GPN1: variants seen among roughly 807,000 people sequenced by gnomAD.
GPN1 encodes ATP(GTP)-binding protein.
A neutral mutation model predicts 55.9 loss-of-function variants in GPN1; 44 were observed. The ratio of observed to expected loss-of-function variants is 0.79; its 90% CI spans 0.62 to 1.01. The LOEUF is 1.01. GPN1 is among the 50% of genes least tolerant of loss of function. The pLI is 0.00. For synonymous variants in GPN1, 179 were observed against 162.5 expected, an observed-to-expected ratio of 1.10 and a Z score of -0.77; for missense variants, 466 against 462.8, an observed-to-expected ratio of 1.01 and a Z score of -0.06.
chr2:27,645,196 C>G (rs1674166740), intron 12 of GPN1, among the ~76,000 whole-genome samples: 2 of 152,148 alleles, frequency 1.3e-5, no homozygotes, highest in African/African-American at 4.8e-5. Flanking sequence ...GTCTTGAACT[C>G]TTGGCCTCAG....
In GPN1 at chr2:27,650,316, T is replaced by C. The variant is rs1674466961; in HGVS notation, c.*116T>C. 7.0e-6 allele frequency: 4 copies of C among 574,366 alleles called. No individual in the cohort carries two copies. The South Asian group carries it at 8.5e-5, about 12-fold the overall frequency. The allele number at this position is 574,366 out of a possible 1,614,324, so 35.6% of individuals were successfully genotyped here. Reference sequence around the variant, plus strand: ...CCATAAGGGATAATTTTCCTCAGAGTAGCAAAGTTTCTCTTATTAGAGAAA... The same window carrying C: ...CCATAAGGGATAATTTTCCTCAGAGCAGCAAAGTTTCTCTTATTAGAGAAA... On this transcript the variant is annotated 3_prime_UTR_variant, in exon 14 of 14. Transcript: ENST00000610189.
At chr2:27,634,104 T>C (rs925294800) in intron 5 of GPN1, among the ~76,000 whole-genome samples, 2 of 152,232 alleles carry the variant, frequency 1.3e-5, no homozygotes, top group Admixed American at 1.3e-4. Flanking sequence ...CTAGTGGATA[T>C]AGAGTGGTAT....
Position 27,642,510 on chromosome 2 carries a change from A to G in GPN1, c.922A>G (p.Thr308Ala), listed in dbSNP as rs1045012316. 1 of 1,601,116 alleles carries G rather than the reference A, an allele frequency of 6.2e-7. No homozygotes were observed. Among genetic ancestry groups the G allele is most frequent in the Admixed American group, 1.7e-5 (1 of 60,000 alleles). ...GGGTTCTGTAGCCTTGGATGCAGGG[A>G]CTGCCAAAGGTATTGGAGGGTTTCT... Reference protein sequence around the residue: ...DMGSVALDAGTAKDSLSPVLH... With the variant: ...DMGSVALDAGAAKDSLSPVLH... The change falls in exon 12 of 14, where the codon ACT becomes GCT. Residue 308 changes from threonine to alanine, a missense_variant. Transcript: ENST00000610189.
intron 12 of GPN1, among the ~76,000 whole-genome samples, chr2:27,642,954 T>TACACACACACACACACACACACAC (rs1270219794): frequency 4.3e-5 from 2 of 46,750 alleles, no homozygotes; most frequent in Non-Finnish European, 1.3e-4. Flanking sequence ...TATATATATA[T>TACACACACACACACACACACACAC]ATATACACAC....
intron 12 of GPN1, among the ~76,000 whole-genome samples, chr2:27,642,792 T>C (rs6722295): frequency 0.057 from 8,678 of 151,982 alleles, 687 homozygotes; most frequent in African/African-American, 0.18. Context: ...CTCGAACTCC[T>C]GACCTCAGAT....
chr2:27,647,873 C>T lies in GPN1; in HGVS notation c.969C>T (p.Ile323=), dbSNP rs1330692270. 9 of 1,613,526 alleles carry T rather than the reference C, an allele frequency of 5.6e-6. No individual in the cohort carries two copies. Among genetic ancestry groups the T allele is most frequent in the Non-Finnish European group, 7.6e-6 (9 of 1,179,462 alleles). The part of the protein sequence containing the change: ...LSPVLHPSDL[I]LTRGTLDEED... Reference sequence around the variant, plus strand: ...CTGTGCTGCACCCTTCTGATTTGATCCTGACTCGAGGAACCTTGGATGAAG... The same window carrying T: ...CTGTGCTGCACCCTTCTGATTTGATTCTGACTCGAGGAACCTTGGATGAAG... The change falls in exon 13 of 14, where the codon ATC becomes ATT. Residue 323 remains isoleucine, a synonymous_variant. Transcript: ENST00000610189.
intron 8 of GPN1, among the ~76,000 whole-genome samples, 157 bp downstream of exon 8, chr2:27,638,412 A>G (rs867538373): frequency 1.3e-5 from 2 of 152,222 alleles, no homozygotes; most frequent in African/African-American, 4.8e-5. Context: ...GAATCAATCA[A>G]ATTGAATGAG....
chr2:27,629,157 C>T lies in GPN1; in HGVS notation c.99C>T (p.Thr33=), dbSNP rs1040163782. ...TGGGAATGGCGGGATCCGGGAAAAC[C>T]ACTTTTGTACAGGTGACGTACACAG... ...LVLGMAGSGK[T]TFVQRLTGHL... Residue 33 remains threonine, a synonymous_variant, in exon 1 of 14, where the codon ACC becomes ACT. Coordinates refer to ENST00000610189, the MANE Select transcript of GPN1 (RefSeq NM_007266.4). The T allele has an allele frequency of 5.0e-6, 8 of 1,614,066 alleles. No individual in the cohort carries two copies. Among genetic ancestry groups the T allele is most frequent in the Non-Finnish European group, 6.8e-6 (8 of 1,180,040 alleles).
chr2:27,638,794 G>A, intron 8 of GPN1, 91 bp from the exon 9 acceptor site: 2 of 1,037,538 alleles, frequency 1.9e-6, no homozygotes, highest in Non-Finnish European at 2.8e-6. Flanking sequence ...ATATATGGAT[G>A]ATATGTTCTT....
intron 12 of GPN1, among the ~76,000 whole-genome samples, chr2:27,642,943 T>TTATATATA (rs774839303): frequency 9.3e-5 from 12 of 128,502 alleles, no homozygotes; most frequent in African/African-American, 3.4e-4. Context: ...AAATGTGGTT[T>TTATATATA]TATATATATA....
rs183693643 is a variant in GPN1 at position 27,642,726 on chromosome 2, G to A, written c.931+207G>A. Among the ~76,000 whole-genome samples the A allele has an allele frequency of 5.6e-3, 847 of 151,920 alleles. 4 individuals are homozygous for A. Among genetic ancestry groups the A allele is most frequent in the Admixed American group, 6.8e-3 (103 of 15,228 alleles). On this transcript the variant is annotated intron_variant, in intron 12 of 13. Coordinates refer to ENST00000610189, the MANE Select transcript of GPN1 (RefSeq NM_007266.4). ...ATTACAGGCATGTGCCACCACACCC[G>A]GCTAATTTTGTATTTTTAGTAGAGA...
At chr2:27,633,329 A>T (rs972486821) in intron 5 of GPN1, among the ~76,000 whole-genome samples, 1 of 152,134 alleles carries the variant, frequency 6.6e-6, no homozygotes, top group Non-Finnish European at 1.5e-5. Flanking sequence ...GTTTTGAGAC[A>T]GGGTCTTGCT....
intron 12 of GPN1, among the ~76,000 whole-genome samples, chr2:27,644,711 T>G (rs1674132955): frequency 6.6e-6 from 1 of 151,058 alleles, no homozygotes; most frequent in East Asian, 1.9e-4. Context: ...AGTGAGTTTT[T>G]TTTTTGGTAG....
Position 27,635,204 on chromosome 2 carries a change from C to T in GPN1, c.494C>T (p.Thr165Ile), listed in dbSNP as rs769311750. ...ACATCGAGAAGTACCAACCCAGTGA[C>T]CTTCATGTCCAACATGCTCTATGCC... Reference protein sequence around the residue: ...MDTSRSTNPVTFMSNMLYACS... With the variant: ...MDTSRSTNPVIFMSNMLYACS... The change falls in exon 7 of 14, where the codon ACC becomes ATC. Residue 165 changes from threonine (T) to isoleucine (I), a missense_variant. Transcript: ENST00000610189. 4 of 1,597,646 alleles carry T rather than the reference C, an allele frequency of 2.5e-6. No homozygotes were observed. The South Asian group carries it at 4.4e-5, about 18-fold the overall frequency.
intron 7 of GPN1, among the ~76,000 whole-genome samples, chr2:27,636,230 C>G (rs1417695830): frequency 6.6e-6 from 1 of 152,072 alleles, no homozygotes; most frequent in Non-Finnish European, 1.5e-5. Flanking sequence ...AAATAAAATG[C>G]ACTGGTTTGC....
intron 12 of GPN1, among the ~76,000 whole-genome samples, chr2:27,647,143 A>G (rs1674274227): frequency 6.6e-6 from 1 of 152,164 alleles, no homozygotes; most frequent in South Asian, 2.1e-4. Flanking sequence ...GATTTGTGCC[A>G]GTTGATGTTG....
Position 27,639,983 on chromosome 2 carries a change from G to A in GPN1, c.718-60G>A, listed in dbSNP as rs1198185250. On this transcript the variant is annotated intron_variant, in intron 9 of 13. Transcript: ENST00000610189. ...TTTTATGACATTTAAACAAGTTAAT[G>A]TACTTCATTAAAAAATATACAATGG... 6 of 1,075,642 alleles carry A rather than the reference G, an allele frequency of 5.6e-6. No individual in the cohort carries two copies. The African/African-American group carries it at 7.8e-5, about 14-fold the overall frequency. 66.6% of individuals were successfully genotyped at this position (1,075,642 alleles called of 1,614,324 possible).
intron 5 of GPN1, among the ~76,000 whole-genome samples, chr2:27,634,645 C>A (rs1572953791): frequency 6.6e-6 from 1 of 152,286 alleles, no homozygotes; most frequent in South Asian, 2.1e-4. Context: ...CTGTTCCTGC[C>A]CATTGGCGTG....
chr2:27,630,747 C>T (rs1479860747), intron 2 of GPN1, among the ~76,000 whole-genome samples: 2 of 152,068 alleles, frequency 1.3e-5, no homozygotes, highest in Non-Finnish European at 2.9e-5. Context: ...GCATTTTTTC[C>T]CCCTTGATTT....
Sources: allele counts gnomAD v4.1 joint callset (sites outside exome capture counted in the v4.1 genomes callset), GRCh38; gene constraint gnomAD v4.1.1; transcripts MANE v1.5; gene names NCBI Gene and HGNC (gene_info 2026-07-23, HGNC 2026-07-21).